Variants in RSPH14 observed in about 807,000 individuals in gnomAD.
The protein encoded by RSPH14 is radial spoke head 14 homolog.
A neutral mutation model predicts 26.7 loss-of-function variants in RSPH14; 20 were observed. The ratio of observed to expected loss-of-function variants is 0.75; its 90% CI spans 0.53 to 1.09. RSPH14 has a LOEUF of 1.09. Ranked by LOEUF, RSPH14 falls within the 50% of genes least tolerant of loss-of-function variation. The pLI is 0.00. For missense variants in RSPH14, 449 were observed against 457.2 expected, an observed-to-expected ratio of 0.98 and a Z score of 0.16; for synonymous variants, 177 against 189.3, an observed-to-expected ratio of 0.93 and a Z score of 0.53.
At chr22:23,101,064 G>C (rs2069288480) in intron 4 of RSPH14, among the ~76,000 whole-genome samples, 1 of 152,214 alleles carries the variant, frequency 6.6e-6, no homozygotes, top group African/African-American at 2.4e-5. Context: ...TGATGACAGA[G>C]CTGGTTATAT....
chr22:23,145,466 G>A (rs746854024), upstream of RSPH14: 3 of 1,609,880 alleles, frequency 1.9e-6, no homozygotes, highest in South Asian at 3.3e-5. Context: ...CGCAGGTCCC[G>A]CGTGGCTCTC....
At chr22:23,099,992 T>G (rs999143387) in intron 4 of RSPH14, among the ~76,000 whole-genome samples, 1 of 152,252 alleles carries the variant, frequency 6.6e-6, no homozygotes, top group Non-Finnish European at 1.5e-5. Flanking sequence ...AAAGGTCTAG[T>G]TGTAAAGCAT....
At chr22:23,120,892 T>C (rs1452840243) in intron 4 of RSPH14, among the ~76,000 whole-genome samples, 1 of 152,174 alleles carries the variant, frequency 6.6e-6, no homozygotes, top group East Asian at 1.9e-4. Context: ...GTGCTAATGG[T>C]CATATCTGTT....
intron 4 of RSPH14, among the ~76,000 whole-genome samples, chr22:23,114,552 G>T (rs1271165191): frequency 1.3e-5 from 2 of 152,178 alleles, no homozygotes; most frequent in African/African-American, 4.8e-5. Flanking sequence ...TGTGTCACCT[G>T]TCAGAGTTGT....
intron 4 of RSPH14, among the ~76,000 whole-genome samples, chr22:23,067,848 C>T (rs566756795): frequency 3.3e-5 from 5 of 152,284 alleles, no homozygotes; most frequent in African/African-American, 9.6e-5. Context: ...CCACAGCAGA[C>T]CGTACACTGA....
intron 4 of RSPH14, chr22:23,095,608 CTT>C: frequency 6.9e-7 from 1 of 1,455,054 alleles, no homozygotes; most frequent in Non-Finnish European, 9.2e-7. Flanking sequence ...CAGCTGGGCT[CTT>C]GTCTGCCTGG....
At chr22:23,127,014 G>A (rs1053475676) in intron 4 of RSPH14, among the ~76,000 whole-genome samples, 30 of 152,340 alleles carry the variant, frequency 2.0e-4, no homozygotes, top group Admixed American at 1.6e-3. Context: ...TGGAAGCAGA[G>A]ACCAGGAGAG....
chr22:23,165,175 A>G, the RSPH14 span, among the ~76,000 whole-genome samples: 1 of 152,212 alleles, frequency 6.6e-6, no homozygotes, highest in South Asian at 2.1e-4. Context: ...GGAAGGGCCC[A>G]CAGTAGGTGC....
chr22:23,159,966 G>A, the RSPH14 span, among the ~76,000 whole-genome samples: 1 of 152,190 alleles, frequency 6.6e-6, no homozygotes, highest in East Asian at 1.9e-4. Flanking sequence ...TATTTACTGA[G>A]GAAAACAGAA....
intron 4 of RSPH14, among the ~76,000 whole-genome samples, chr22:23,089,358 G>A (rs2068899824): frequency 1.3e-5 from 2 of 152,154 alleles, no homozygotes; most frequent in Admixed American, 1.3e-4. Flanking sequence ...TGGAGGTTAC[G>A]GGCAGGGCAG....
rs770999138 is a variant in RSPH14, at chr22:23,061,960, G to T, written c.654-15C>A. 3 of 1,613,676 alleles carry T rather than the reference G, an allele frequency of 1.9e-6. No individual in the cohort carries two copies. The South Asian group carries it at 3.3e-5, about 18-fold the overall frequency. ...CTCGAGATATGCTGGGGCAGAGAGG[G>T]AACAGAGAGGGGCTCTGCTTGGAAG... On this transcript the variant is annotated splice_polypyrimidine_tract_variant and intron_variant, in intron 5 of 6. Coordinates refer to ENST00000216036, the MANE Select transcript of RSPH14 (RefSeq NM_014433.3).
chr22:23,153,199 G>T, the RSPH14 span: 1 of 1,237,780 alleles, frequency 8.1e-7, no homozygotes, highest in African/African-American at 1.5e-5. Context: ...AAGGATTTGG[G>T]GAGCTCCTTC....
At chr22:23,133,848 A>T in intron 4 of RSPH14, 178 bp downstream of exon 4, 1 of 502,464 alleles carries the variant, frequency 2.0e-6, no homozygotes, top group East Asian at 4.7e-5. Flanking sequence ...TCGGCCTCCC[A>T]AAGTGCTGGG....
upstream of RSPH14, chr22:23,145,148 A>C (rs1362112536): frequency 1.7e-6 from 1 of 590,146 alleles, no homozygotes. Context: ...ATAACCGCCC[A>C]ACCTCTCCCA....
At chr22:23,152,376 A>G in the RSPH14 span, 1 of 1,365,698 alleles carries the variant, frequency 7.3e-7, no homozygotes, top group Non-Finnish European at 1.0e-6. Context: ...TCACCAGCAG[A>G]GAGCTCAGGG....
chr22:23,070,230 G>C (rs979019625), intron 4 of RSPH14: 2 of 150,406 alleles, frequency 1.3e-5, no homozygotes, highest in African/African-American at 2.4e-5. Flanking sequence ...GGAGGTGCCC[G>C]GCGCGTGGTG....
chr22:23,176,057 T>G, the RSPH14 span, among the ~76,000 whole-genome samples: 41,722 of 151,964 alleles, frequency 0.27, 5,843 homozygotes, highest in East Asian at 0.35. Flanking sequence ...ACAAACAACA[T>G]CGATTCACTG....
the RSPH14 span, among the ~76,000 whole-genome samples, chr22:23,157,093 G>A: frequency 7.9e-5 from 12 of 152,284 alleles, no homozygotes; most frequent in South Asian, 1.0e-3. Flanking sequence ...CAACAGGACC[G>A]GGGTGCGGCC....
At chr22:23,165,555 G>T in the RSPH14 span, among the ~76,000 whole-genome samples, 1 of 152,244 alleles carries the variant, frequency 6.6e-6, no homozygotes, top group African/African-American at 2.4e-5. Flanking sequence ...CTGGGCACAG[G>T]AAAGAATTGG....
Sources: gnomAD v4.1 joint callset for allele counts (sites outside exome capture counted in the v4.1 genomes callset) on GRCh38, gnomAD v4.1.1 for gene constraint, MANE v1.5 for transcripts, NCBI Gene and HGNC (gene_info 2026-07-23, HGNC 2026-07-21) for gene names.